TMEM232: variants seen among roughly 807,000 people sequenced by gnomAD.
TMEM232 encodes transmembrane protein 232.
In TMEM232, 80 loss-of-function variants were observed where a neutral mutation model predicts 78.8. The ratio of observed to expected loss-of-function variants is 1.01; its 90% CI spans 0.85 to 1.22. The LOEUF (loss-of-function observed/expected upper bound fraction) is 1.22. Among genes scored for constraint, TMEM232 ranks in the 50% most tolerant of loss-of-function variants. The probability of loss-of-function intolerance (pLI) is 0.00; values close to 1 mark genes in which losing one functional copy is unlikely to be tolerated. For synonymous variants in TMEM232, 297 were observed against 254.3 expected (o/e 1.17, Z -1.60); for missense variants, 881 against 742.2 (o/e 1.19, Z -2.17).
chr5:110,626,406 G>A (rs7720729), intron 6 of TMEM232, among the ~76,000 whole-genome samples: 33,634 of 151,736 alleles, frequency 0.22, 5,823 homozygotes, highest in African/African-American at 0.49. Flanking sequence ...ATCAGTCTAC[G>A]GCCACATCTG....
At chr5:110,489,615 T>G (rs772965186) in intron 12 of TMEM232, among the ~76,000 whole-genome samples, 1 of 152,132 alleles carries the variant, frequency 6.6e-6, no homozygotes, top group African/African-American at 2.4e-5. Context: ...ATATATCTAT[T>G]CTTGCTACTT....
intron 10 of TMEM232, among the ~76,000 whole-genome samples, chr5:110,584,689 C>T (rs946235603): frequency 6.6e-6 from 1 of 151,990 alleles, no homozygotes. Context: ...TGTAAAGTGA[C>T]ACTATAATTT....
At chr5:110,433,549 A>G (rs184643688) in intron 12 of TMEM232, among the ~76,000 whole-genome samples, 8 of 151,968 alleles carry the variant, frequency 5.3e-5, no homozygotes, top group South Asian at 2.1e-4. Context: ...CCTCATACCT[A>G]TAAGAACTAG....
At chr5:110,415,485 C>A (rs932945521), downstream of TMEM232, among the ~76,000 whole-genome samples, 2 of 151,666 alleles carry the variant, frequency 1.3e-5, no homozygotes, top group Non-Finnish European at 2.9e-5. Flanking sequence ...CCGTGCCCGA[C>A]CCCAACTTTT....
intron 12 of TMEM232, among the ~76,000 whole-genome samples, chr5:110,480,212 G>A (rs1433916886): frequency 6.6e-6 from 1 of 151,468 alleles, no homozygotes; most frequent in Non-Finnish European, 1.5e-5. Flanking sequence ...AGAAAAAGAA[G>A]CTTCTATATT....
chr5:110,408,918 C>T (rs1284516360), intron 2 of TMEM232, among the ~76,000 whole-genome samples: 1 of 152,088 alleles, frequency 6.6e-6, no homozygotes, highest in African/African-American at 2.4e-5. Flanking sequence ...ACATGAGAAG[C>T]CAAGCCTTCT....
At chr5:110,734,677 C>A (rs1798991325) in intron 2 of TMEM232, among the ~76,000 whole-genome samples, 1 of 152,154 alleles carries the variant, frequency 6.6e-6, no homozygotes, top group Admixed American at 6.5e-5. Context: ...CTGTGTGTGT[C>A]CCATTAAGTG....
upstream of TMEM232, among the ~76,000 whole-genome samples, chr5:110,729,174 C>T (rs1224627390): frequency 3.3e-5 from 5 of 152,090 alleles, no homozygotes; most frequent in Non-Finnish European, 7.4e-5. Context: ...CGTGAGCCAC[C>T]GTGCCTGGCC....
chr5:110,642,355 T>C lies in TMEM232; in HGVS notation c.142A>G (p.Thr48Ala), dbSNP rs1238413761. The change falls in exon 3 of 14, where the codon ACA becomes GCA. Residue 48 changes from threonine (T) to alanine (A), a missense_variant. Transcript: ENST00000455884. ...TTGAATCTCAAGATGAATTCTTTTG[T>C]GATTGAAAATGTTGGCCTAAATAAA... ...GHKSRPTFSI[T>A]KEFILRFNQT... 4.6e-6 allele frequency: 7 copies of C among 1,517,914 alleles called. No homozygotes were observed. Among genetic ancestry groups the C allele is most frequent in the Non-Finnish European group, 6.2e-6 (7 of 1,134,684 alleles). 94.0% of individuals were successfully genotyped at this position (1,517,914 alleles called of 1,614,324 possible).
At chr5:110,429,442 G>T (rs142906830) in intron 12 of TMEM232, among the ~76,000 whole-genome samples, 91 of 151,826 alleles carry the variant, frequency 6.0e-4, no homozygotes, top group African/African-American at 2.2e-3. Flanking sequence ...AGTCTCCAAA[G>T]CTCTCCTGAA....
upstream of TMEM232, chr5:110,738,260 G>A (rs985182726): frequency 2.3e-6 from 3 of 1,284,370 alleles, no homozygotes; most frequent in African/African-American, 1.5e-5. Flanking sequence ...AGTAGGGGAC[G>A]CTCTACAGTA....
At chr5:110,627,139 A>G (rs1784515315) in intron 6 of TMEM232, among the ~76,000 whole-genome samples, 1 of 152,050 alleles carries the variant, frequency 6.6e-6, no homozygotes, top group South Asian at 2.1e-4. Context: ...AGTTCAGAAC[A>G]TCATTATCTT....
chr5:110,533,762 A>G lies in TMEM232; in HGVS notation c.1456-4927T>C, dbSNP rs992188739. Reference sequence around the variant, plus strand: ...TCTCTGATCTCCTGACGTTCACCCCATTTCCCCACATTTCCTTCTTCCCTG... The same window carrying G: ...TCTCTGATCTCCTGACGTTCACCCCGTTTCCCCACATTTCCTTCTTCCCTG... On this transcript the variant is annotated intron_variant, in intron 11 of 13. Coordinates refer to ENST00000455884, the MANE Select transcript of TMEM232 (RefSeq NM_001039763.4). 1.1e-4 allele frequency among the ~76,000 whole-genome samples: 16 copies of G among 151,546 alleles called. 1 individual carries two copies. Among genetic ancestry groups the G allele is most frequent in the Non-Finnish European group, 1.8e-4 (12 of 67,868 alleles).
intron 10 of TMEM232, among the ~76,000 whole-genome samples, chr5:110,583,296 A>G (rs915919531): frequency 1.3e-5 from 2 of 151,998 alleles, no homozygotes; most frequent in Non-Finnish European, 2.9e-5. Flanking sequence ...AAAGACTGAT[A>G]TATAGACTAA....
intron 12 of TMEM232, among the ~76,000 whole-genome samples, chr5:110,479,180 T>C (rs928111002): frequency 2.6e-5 from 4 of 151,812 alleles, no homozygotes; most frequent in African/African-American, 9.7e-5. Flanking sequence ...GAGGTATTAA[T>C]TGATTTGTTT....
At chr5:110,703,713 A>T (rs538877960) in intron 1 of TMEM232, among the ~76,000 whole-genome samples, 1 of 152,228 alleles carries the variant, frequency 6.6e-6, no homozygotes, top group South Asian at 2.1e-4. Flanking sequence ...ATTCCTTCCA[A>T]ATTACACAGT....
In TMEM232 at chr5:110,436,178, TAGTTTTGATTTGC is replaced by T. The variant is rs1300746205; in HGVS notation, c.1704-11275_1704-11263del. Among the ~76,000 whole-genome samples, 17 of 152,130 alleles carry T rather than the reference TAGTTTTGATTTGC, an allele frequency of 1.1e-4. No homozygotes were observed. The East Asian group carries it at 3.1e-3, about 28-fold the overall frequency. Reference sequence around the variant, plus strand: ...ACTGGAGTGAAGGGATATCTCGTTGTAGTTTTGATTTGCATTTCTCGGATGATTAATGGTGTTG... The same window carrying T: ...ACTGGAGTGAAGGGATATCTCGTTGTATTTCTCGGATGATTAATGGTGTTG... On this transcript the variant is annotated intron_variant, in intron 12 of 13. Coordinates refer to ENST00000455884, the MANE Select transcript of TMEM232 (RefSeq NM_001039763.4).
At chr5:110,642,534 C>A (rs1201378057) in intron 2 of TMEM232, among the ~76,000 whole-genome samples, 163 bp from the exon 3 acceptor site, 1 of 152,000 alleles carries the variant, frequency 6.6e-6, no homozygotes, top group Non-Finnish European at 1.5e-5. Context: ...ACATGCAAGC[C>A]TCCTGGACTG....
intron 11 of TMEM232, among the ~76,000 whole-genome samples, chr5:110,558,629 C>T (rs1054800195): frequency 6.6e-6 from 1 of 152,084 alleles, no homozygotes; most frequent in Non-Finnish European, 1.5e-5. Context: ...GGTAAGATAG[C>T]CCTGTTCTGT....
Sources: allele counts gnomAD v4.1 joint callset (sites outside exome capture counted in the v4.1 genomes callset), GRCh38; gene constraint gnomAD v4.1.1; transcripts MANE v1.5; gene names NCBI Gene and HGNC (gene_info 2026-07-23, HGNC 2026-07-21).